ZHX3: variants seen among roughly 807,000 people sequenced by gnomAD.
ZHX3 encodes zinc fingers and homeoboxes protein 3.
Under a neutral mutation model 64.5 loss-of-function variants are expected in ZHX3, and 20 were observed. The ratio of observed to expected loss-of-function variants is 0.31; its 90% CI spans 0.22 to 0.45. The LOEUF is 0.45. Ranked by LOEUF, ZHX3 falls within the 20% of genes least tolerant of loss-of-function variation. ZHX3 has a pLI of 1.00. For missense variants in ZHX3, 1,041 were observed against 1,195.8 expected (o/e 0.87, Z 1.91); for synonymous variants, 423 against 461.6 (o/e 0.92, Z 1.07).
intron 2 of ZHX3, among the ~76,000 whole-genome samples, chr20:41,261,464 CTT>C (rs1460440978): frequency 6.6e-6 from 1 of 152,156 alleles, no homozygotes; most frequent in Non-Finnish European, 1.5e-5. Flanking sequence ...AGGGAGCTGA[CTT>C]AGGTTGTGTG....
chr20:41,231,933 T>C (rs1429554556), intron 2 of ZHX3, among the ~76,000 whole-genome samples: 1 of 152,196 alleles, frequency 6.6e-6, no homozygotes, highest in African/African-American at 2.4e-5. Context: ...CACCTCCTAA[T>C]GGTTAATGAT....
chr20:41,308,667 G>T (rs757129112), intron 1 of ZHX3, among the ~76,000 whole-genome samples: 2 of 152,110 alleles, frequency 1.3e-5, no homozygotes, highest in African/African-American at 2.4e-5. Flanking sequence ...AAGTTCCCTC[G>T]TGAGCAGCTA....
intron 2 of ZHX3, among the ~76,000 whole-genome samples, chr20:41,240,721 T>C (rs2041326273): frequency 6.6e-6 from 1 of 152,158 alleles, no homozygotes; most frequent in Non-Finnish European, 1.5e-5. Context: ...TAAGTTCAAT[T>C]CTTTTAATTT....
intron 2 of ZHX3, among the ~76,000 whole-genome samples, chr20:41,238,992 CTT>C (rs36076017): frequency 3.1e-3 from 265 of 86,290 alleles, no homozygotes; most frequent in Middle Eastern, 6.0e-3. Context: ...TTTTCTCTCT[CTT>C]TTTTTTTTTT....
chr20:41,259,811 T>C (rs1468545155), intron 2 of ZHX3, among the ~76,000 whole-genome samples: 2 of 152,230 alleles, frequency 1.3e-5, no homozygotes, highest in Admixed American at 6.5e-5. Flanking sequence ...ATTATTTATT[T>C]AGTCTGTAAC....
At chr20:41,205,699 C>T (rs1184829554) in intron 2 of ZHX3, among the ~76,000 whole-genome samples, 1 of 152,204 alleles carries the variant, frequency 6.6e-6, no homozygotes, top group Non-Finnish European at 1.5e-5. Flanking sequence ...TTATGTATCC[C>T]GGACCACTGT....
At chr20:41,188,366 G>A (rs2036701665) in intron 3 of ZHX3, 1 of 149,188 alleles carries the variant, frequency 6.7e-6, no homozygotes, top group Non-Finnish European at 1.5e-5. Context: ...CTTCTTTTGT[G>A]AATTGTCTAT....
At position 41,215,024 on chromosome 20, in the gene ZHX3, C is replaced by T. The variant is rs143853055; in HGVS notation, c.-150-9958G>A. On this transcript the variant is annotated intron_variant, in intron 2 of 3. Transcript: ENST00000683867. ...AATCCCAGCACTTGGAAGGCCGAAACGAGTGGATCACTTGAGGTCAGGAGT... is the reference window on the plus strand; with the variant it reads ...AATCCCAGCACTTGGAAGGCCGAAATGAGTGGATCACTTGAGGTCAGGAGT... Among the ~76,000 whole-genome samples the T allele has an allele frequency of 4.5e-4, 68 of 152,248 alleles. No individual in the cohort carries two copies. The East Asian group carries it at 0.012, about 26-fold the overall frequency.
rs73907112 is a variant in ZHX3 at position 41,228,851 on chromosome 20, G to A, written c.-150-23785C>T. 7.2e-3 allele frequency among the ~76,000 whole-genome samples: 1,089 copies of A among 152,026 alleles called. 8 individuals are homozygous for A. The highest frequency in any genetic ancestry group is 0.025 in the African/African-American group (1,040 of 41,452). On this transcript the variant is annotated intron_variant, in intron 2 of 3. Coordinates refer to ENST00000683867, the MANE Select transcript of ZHX3 (RefSeq NM_001384317.1). The surrounding 1 kb of genome is among the most constrained non-coding windows in gnomAD (Gnocchi z 4.6). ...TCCCACATGAAATGTTAATGGTCTC[G>A]GAAGCACTTAACATCTTTTCTTGGT...
At position 41,263,703 on chromosome 20, in the gene ZHX3, A is replaced by AT. The variant is rs201103326; in HGVS notation, c.-151+5286dup. On this transcript the variant is annotated intron_variant, in intron 2 of 3. Coordinates refer to ENST00000683867, the MANE Select transcript of ZHX3 (RefSeq NM_001384317.1). Reference sequence around the variant, plus strand: ...CATGAGCCACCACTCCCGGCTGAGGATTTTTTTTTAAAAAAGAAATAAATT... The same window carrying AT: ...CATGAGCCACCACTCCCGGCTGAGGATTTTTTTTTTAAAAAAGAAATAAATT... Among the ~76,000 whole-genome samples, 300 of 151,926 alleles carry AT rather than the reference A, an allele frequency of 2.0e-3. 1 individual carries two copies. The highest frequency in any genetic ancestry group is 1.7e-3 in the Non-Finnish European group (116 of 67,926).
chr20:41,198,690 T>C (rs1027290389), intron 3 of ZHX3, among the ~76,000 whole-genome samples: 4 of 151,460 alleles, frequency 2.6e-5, no homozygotes, highest in African/African-American at 9.7e-5. Context: ...TTCATCCTGC[T>C]TGGATTTTAT....
chr20:41,196,264 G>C (rs939402870), intron 3 of ZHX3, among the ~76,000 whole-genome samples: 2 of 117,912 alleles, frequency 1.7e-5, no homozygotes, highest in Non-Finnish European at 3.3e-5. Flanking sequence ...TCTGTTAGGG[G>C]TATATATATA....
intron 1 of ZHX3, among the ~76,000 whole-genome samples, chr20:41,271,106 C>T (rs758754271): frequency 1.5e-4 from 23 of 152,144 alleles, no homozygotes; most frequent in Non-Finnish European, 5.9e-5. Context: ...CTGCAACCTC[C>T]GCCTCCCAAG....
Position 41,248,587 on chromosome 20 carries a change from G to T in ZHX3, c.-151+20403C>A, listed in dbSNP as rs373547222. Among the ~76,000 whole-genome samples the T allele has an allele frequency of 3.3e-5, 5 of 152,270 alleles. No individual in the cohort carries two copies. The South Asian group carries it at 8.3e-4, about 25-fold the overall frequency. ...TGGTGGCTGCCAGAGCTCAGGAAAAGAAAATTTTTTTATGTGGTTACAGCT... is the reference window on the plus strand; with the variant it reads ...TGGTGGCTGCCAGAGCTCAGGAAAATAAAATTTTTTTATGTGGTTACAGCT... On this transcript the variant is annotated intron_variant, in intron 2 of 3. Transcript: ENST00000683867.
chr20:41,183,524 T>A lies in ZHX3; in HGVS notation c.*1667A>T, dbSNP rs1161400001. ...CGCCATGCTTGTCCTTGGAGCCACATGAGCACGGTGCCCTGCCAGGTCCAG... is the reference window on the plus strand; with the variant it reads ...CGCCATGCTTGTCCTTGGAGCCACAAGAGCACGGTGCCCTGCCAGGTCCAG... On this transcript the variant is annotated 3_prime_UTR_variant, in exon 4 of 4. Coordinates refer to ENST00000683867, the MANE Select transcript of ZHX3 (RefSeq NM_001384317.1). The surrounding 1 kb of genome is among the most constrained non-coding windows in gnomAD (Gnocchi z 5.3). The A allele has an allele frequency of 2.0e-5, 3 of 152,242 alleles. No homozygotes were observed. The highest frequency in any genetic ancestry group is 1.3e-4 in the Admixed American group (2 of 15,284). 9.4% of individuals were successfully genotyped at this position (152,242 alleles called of 1,614,324 possible).
chr20:41,218,515 A>AGGAT (rs2039707273), intron 2 of ZHX3, among the ~76,000 whole-genome samples: 4 of 152,200 alleles, frequency 2.6e-5, no homozygotes, highest in African/African-American at 9.6e-5. Context: ...AGTATTTATA[A>AGGAT]CACTTTTATA....
At chr20:41,246,501 T>C (rs2041695109) in intron 2 of ZHX3, among the ~76,000 whole-genome samples, 1 of 152,210 alleles carries the variant, frequency 6.6e-6, no homozygotes, top group Non-Finnish European at 1.5e-5. Context: ...TAAAATGATA[T>C]AGCTGATATT....
At chr20:41,296,980 A>C (rs902819952) in intron 1 of ZHX3, among the ~76,000 whole-genome samples, 3 of 152,080 alleles carry the variant, frequency 2.0e-5, no homozygotes, top group Non-Finnish European at 4.4e-5. Flanking sequence ...CATCACTATA[A>C]ACCCTGGTTC....
chr20:41,216,085 G>A lies in ZHX3; in HGVS notation c.-150-11019C>T, dbSNP rs372663769. Among the ~76,000 whole-genome samples the A allele has an allele frequency of 2.5e-4, 38 of 152,254 alleles. No homozygotes were observed. The East Asian group carries it at 4.6e-3, about 19-fold the overall frequency. On this transcript the variant is annotated intron_variant, in intron 2 of 3. Transcript: ENST00000683867. ...ATGTAAAGAATGTGACTACTATGAG[G>A]TTGATCTGACAGACATGAATATAGT...
Sources: allele counts gnomAD v4.1 joint callset (sites outside exome capture counted in the v4.1 genomes callset), GRCh38; gene constraint gnomAD v4.1.1; non-coding constraint Gnocchi (gnomAD v3.1); transcripts MANE v1.5; gene names NCBI Gene and HGNC (gene_info 2026-07-23, HGNC 2026-07-21).